The following BCAS3 variants were observed in gnomAD, a reference collection of about 807,000 sequenced individuals.
BCAS3 encodes the protein BCAS4/BCAS3 fusion.
A neutral mutation model predicts 116.1 loss-of-function variants in BCAS3; 53 were observed. The observed-to-expected ratio is 0.46, with a 90% CI of 0.37 to 0.57. The LOEUF (loss-of-function observed/expected upper bound fraction) is 0.57. Ranked by LOEUF, BCAS3 falls within the 20% of genes least tolerant of loss-of-function variation. BCAS3 has a pLI of 0.00. For synonymous variants in BCAS3, 391 were observed against 408.2 expected (o/e 0.96, Z 0.51); for missense variants, 917 against 1,165.4 (o/e 0.79, Z 3.10).
Position 61,220,897 on chromosome 17 carries a change from G to T in BCAS3, c.2425+136333G>T, listed in dbSNP as rs1464389842. Reference sequence around the variant, plus strand: ...GGGTGGATCACGAGGTCAGGAGATCGAGACCATCCTGGCCAACACGGTGAA... The same window carrying T: ...GGGTGGATCACGAGGTCAGGAGATCTAGACCATCCTGGCCAACACGGTGAA... On this transcript the variant is annotated intron_variant, in intron 22 of 23. Coordinates refer to ENST00000407086, the MANE Select transcript of BCAS3 (RefSeq NM_017679.5). This position sits in a 1 kb window ranked among gnomAD's most constrained non-coding sequence, Gnocchi z 4.5. Among the ~76,000 whole-genome samples the T allele has an allele frequency of 2.6e-5, 4 of 152,066 alleles. No homozygotes were observed. Among genetic ancestry groups the T allele is most frequent in the African/African-American group, 9.7e-5 (4 of 41,394 alleles).
intron 19 of BCAS3, among the ~76,000 whole-genome samples, chr17:61,061,873 T>C (rs537135065): frequency 1.3e-5 from 2 of 152,282 alleles, no homozygotes; most frequent in East Asian, 3.9e-4. Context: ...ATAAAGCTGG[T>C]CCTATGTTTG....
At chr17:61,230,811 A>G (rs2082631606) in intron 22 of BCAS3, among the ~76,000 whole-genome samples, 1 of 152,194 alleles carries the variant, frequency 6.6e-6, no homozygotes, top group African/African-American at 2.4e-5. Flanking sequence ...ATATATACCC[A>G]TAATGGGATT....
chr17:60,972,443 CCTTTTTT>C (rs2145353628), intron 14 of BCAS3, among the ~76,000 whole-genome samples: 1 of 138,160 alleles, frequency 7.2e-6, no homozygotes, highest in East Asian at 2.0e-4. Flanking sequence ...TCTCACTTGG[CCTTTTTT>C]TTTTTTTTTT....
chr17:60,789,173 C>T (rs987937142), intron 6 of BCAS3, among the ~76,000 whole-genome samples: 2 of 152,076 alleles, frequency 1.3e-5, no homozygotes, highest in African/African-American at 4.8e-5. Context: ...AGACATAATC[C>T]TTAACATCAA....
chr17:60,702,630 C>T (rs2143949667), intron 4 of BCAS3, among the ~76,000 whole-genome samples: 1 of 152,202 alleles, frequency 6.6e-6, no homozygotes, highest in East Asian at 1.9e-4. Context: ...TCCTCTGTCA[C>T]CTAGGCTGGA....
Position 61,026,885 on chromosome 17 carries a change from G to C in BCAS3, c.1638-7781G>C. Reference sequence around the variant, plus strand: ...ATGAAGGCCTTATCTCTTTGGAGCGGGGTGTTTTTCCATAAAAGCCCCATG... The same window carrying C: ...ATGAAGGCCTTATCTCTTTGGAGCGCGGTGTTTTTCCATAAAAGCCCCATG... On this transcript the variant is annotated intron_variant, in intron 16 of 23. Coordinates refer to ENST00000407086, the MANE Select transcript of BCAS3 (RefSeq NM_017679.5). This position sits in a 1 kb window ranked among gnomAD's most constrained non-coding sequence, Gnocchi z 5.0. 1 of 1,601,660 alleles carries C rather than the reference G, an allele frequency of 6.2e-7. No homozygotes were observed.
At chr17:60,890,509 A>G (rs1399326728) in intron 10 of BCAS3, among the ~76,000 whole-genome samples, 1 of 152,046 alleles carries the variant, frequency 6.6e-6, no homozygotes, top group East Asian at 1.9e-4. Flanking sequence ...GCTAACAACT[A>G]TATCTAAATA....
chr17:60,988,317 C>CT (rs1334173922), intron 14 of BCAS3, among the ~76,000 whole-genome samples: 1 of 86,010 alleles, frequency 1.2e-5, no homozygotes, highest in African/African-American at 3.6e-5. Context: ...CTTTTCTTTT[C>CT]TTTCCTTTTC....
intron 22 of BCAS3, chr17:61,135,812 A>G (rs2076596512): frequency 2.0e-5 from 3 of 152,256 alleles, no homozygotes; most frequent in Non-Finnish European, 4.4e-5. Context: ...TGCTCTCCCT[A>G]TGATGGCAGA....
At chr17:61,071,919 C>T (rs1355141182) in intron 19 of BCAS3, among the ~76,000 whole-genome samples, 1 of 151,948 alleles carries the variant, frequency 6.6e-6, no homozygotes, top group African/African-American at 2.4e-5. Flanking sequence ...TGCTTTTACC[C>T]AATTTAGTAA....
chr17:60,801,252 A>G (rs1210142167), intron 6 of BCAS3, among the ~76,000 whole-genome samples: 1 of 152,096 alleles, frequency 6.6e-6, no homozygotes, highest in Non-Finnish European at 1.5e-5. Flanking sequence ...CAGTATTTAG[A>G]TTTCTTTTGA....
intron 22 of BCAS3, among the ~76,000 whole-genome samples, chr17:61,147,843 A>T (rs1223436862): frequency 1.3e-5 from 2 of 152,028 alleles, no homozygotes; most frequent in Non-Finnish European, 2.9e-5. Context: ...AAAATTAGTC[A>T]GGCGTGGTGG....
At chr17:61,127,824 G>A (rs1287990330) in intron 22 of BCAS3, among the ~76,000 whole-genome samples, 2 of 150,418 alleles carry the variant, frequency 1.3e-5, no homozygotes, top group Non-Finnish European at 3.0e-5. Context: ...GAGGAAGGGG[G>A]CTACAAAGTT....
rs750929845 is a variant in BCAS3 at position 61,186,742 on chromosome 17, G to A, written c.2425+102178G>A. 4.6e-5 allele frequency among the ~76,000 whole-genome samples: 7 copies of A among 150,672 alleles called. No individual in the cohort carries two copies. The South Asian group carries it at 8.4e-4, about 18-fold the overall frequency. On this transcript the variant is annotated intron_variant, in intron 22 of 23. Coordinates refer to ENST00000407086, the MANE Select transcript of BCAS3 (RefSeq NM_017679.5). This position sits in a 1 kb window ranked among gnomAD's most constrained non-coding sequence, Gnocchi z 4.9. ...TTTTTTTTTTTTGAGACGGAGTCTC[G>A]CTCTGTCGCCCAGGTTGGAGTGCAG...
intron 13 of BCAS3, among the ~76,000 whole-genome samples, chr17:60,946,637 C>T (rs57043009): frequency 0.19 from 29,578 of 151,978 alleles, 3,285 homozygotes; most frequent in African/African-American, 0.31. Context: ...TGGCTGGGCA[C>T]GGTGGCTCAT....
intron 14 of BCAS3, among the ~76,000 whole-genome samples, chr17:60,969,414 A>G (rs1012900824): frequency 1.3e-5 from 2 of 152,228 alleles, no homozygotes; most frequent in Admixed American, 6.5e-5. Flanking sequence ...TTAAAAATAC[A>G]ATATCAAAAA....
chr17:61,188,597 G>A lies in BCAS3; in HGVS notation c.2425+104033G>A, dbSNP rs1043526753. ...TCTCTTTCTTTTTCTCTAAACCTTA[G>A]CAGTAGGTCTTAGCTTGTGCTAAGC... On this transcript the variant is annotated intron_variant, in intron 22 of 23. Coordinates refer to ENST00000407086, the MANE Select transcript of BCAS3 (RefSeq NM_017679.5). The surrounding 1 kb of genome is among the most constrained non-coding windows in gnomAD (Gnocchi z 4.0). Among the ~76,000 whole-genome samples the A allele has an allele frequency of 1.3e-5, 2 of 152,100 alleles. No homozygotes were observed. The highest frequency in any genetic ancestry group is 3.8e-4 in the East Asian group (2 of 5,206).
chr17:61,101,802 T>C (rs2074345432), intron 22 of BCAS3, among the ~76,000 whole-genome samples: 1 of 152,174 alleles, frequency 6.6e-6, no homozygotes, highest in Admixed American at 6.5e-5. Context: ...TATTTGGCTT[T>C]TTAATAAATT....
At position 61,392,251 on chromosome 17, in the gene BCAS3, C is replaced by G; in HGVS notation, c.*126C>G. On this transcript the variant is annotated 3_prime_UTR_variant, in exon 24 of 24. Coordinates refer to ENST00000407086, the MANE Select transcript of BCAS3 (RefSeq NM_017679.5). The surrounding 1 kb of genome is among the most constrained non-coding windows in gnomAD (Gnocchi z 6.4). Reference sequence around the variant, plus strand: ...CAACCACCTTCCCCAAGCTTAGTGACAGCAGCCGCCCATCCTACCTGGATG... The same window carrying G: ...CAACCACCTTCCCCAAGCTTAGTGAGAGCAGCCGCCCATCCTACCTGGATG... The G allele has an allele frequency of 1.7e-6, 2 of 1,169,226 alleles. No homozygotes were observed. The highest frequency in any genetic ancestry group is 2.5e-5 in the East Asian group (1 of 40,340). 72.4% of individuals were successfully genotyped at this position (1,169,226 alleles called of 1,614,324 possible).
Sources: gnomAD v4.1 joint callset for allele counts (sites outside exome capture counted in the v4.1 genomes callset) on GRCh38, gnomAD v4.1.1 for gene constraint, Gnocchi (gnomAD v3.1) non-coding constraint, MANE v1.5 for transcripts, NCBI Gene and HGNC (gene_info 2026-07-23, HGNC 2026-07-21) for gene names.